The following DDX23 variants were observed in gnomAD, a reference collection of about 807,000 sequenced individuals.
DDX23 encodes probable ATP-dependent RNA helicase DDX23.
In DDX23, 33 loss-of-function variants were observed where a neutral mutation model predicts 102.7. The ratio of observed to expected loss-of-function variants is 0.32; its 90% CI spans 0.24 to 0.43. DDX23 has a LOEUF of 0.43. DDX23 is among the 20% of genes least tolerant of loss of function. DDX23 has a pLI of 1.00. For synonymous variants in DDX23, 352 were observed against 376.0 expected, an observed-to-expected ratio of 0.94 and a Z score of 0.74; for missense variants, 549 against 1,086.6, an observed-to-expected ratio of 0.51 and a Z score of 6.96.
chr12:48,838,116 G>A (rs1382737139), intron 5 of DDX23, 36 bp from the exon 6 acceptor site: 2 of 1,613,026 alleles, frequency 1.2e-6, no homozygotes, highest in Non-Finnish European at 8.5e-7. Context: ...CAAAGGATCT[G>A]GGAGCAGGGT....
At chr12:48,846,896 T>C (rs1324948150) in intron 1 of DDX23, among the ~76,000 whole-genome samples, 2 of 152,188 alleles carry the variant, frequency 1.3e-5, no homozygotes, top group African/African-American at 4.8e-5. Context: ...CTTTGGGCTA[T>C]GAACTCTAGT....
intron 1 of DDX23, among the ~76,000 whole-genome samples, chr12:48,846,157 G>T (rs1431061874): frequency 6.6e-6 from 1 of 152,028 alleles, no homozygotes; most frequent in Non-Finnish European, 1.5e-5. Flanking sequence ...TATAGACAGG[G>T]TCTCACTATG....
At chr12:48,841,605 C>T (rs1938552304) in intron 3 of DDX23, among the ~76,000 whole-genome samples, 2 of 152,348 alleles carry the variant, frequency 1.3e-5, no homozygotes, top group East Asian at 1.9e-4. Context: ...CGATTGCAGG[C>T]GTGCGCCGCC....
rs935828619 is a variant in DDX23 at position 48,841,561 on chromosome 12, C to A, written c.321-1455G>T. On this transcript the variant is annotated intron_variant, in intron 3 of 16. Transcript: ENST00000308025. ...ATCTCGGCTCACTGCAACCTCCCTG[C>A]CTGATTCTCGTGCCTCAGCCTGCCG... 1.8e-4 allele frequency among the ~76,000 whole-genome samples: 27 copies of A among 152,358 alleles called. No homozygotes were observed. In the East Asian group the frequency reaches 4.4e-3, roughly 25 times the overall value.
chr12:48,839,589 CT>C, intron 5 of DDX23: 1 of 292,958 alleles, frequency 3.4e-6, no homozygotes, highest in Non-Finnish European at 6.2e-6. Flanking sequence ...AAAAAAGGGC[CT>C]TTTAGGGTGA....
rs1165032883 is a variant in DDX23 at position 48,845,463 on chromosome 12, A to C, written c.209+111T>G. The stretch of plus-strand genomic sequence containing the variant: ...AACAGAGCGAGACTCTGTCTCAAAA[A>C]ATAAAAATAAAAAGTAGATGCCTAA... On this transcript the variant is annotated intron_variant, in intron 2 of 16. Transcript: ENST00000308025. The C allele has an allele frequency of 6.3e-6, 8 of 1,268,578 alleles. No individual in the cohort carries two copies. In the Admixed American group the frequency reaches 1.6e-4, roughly 26 times the overall value. 78.6% of individuals were successfully genotyped at this position (1,268,578 alleles called of 1,614,324 possible). A position where few individuals can be genotyped will look rare whatever the true frequency, so the allele number is the denominator to read the frequency against.
chr12:48,845,831 A>C, intron 1 of DDX23, 49 bp from the exon 2 acceptor site: 1 of 1,578,712 alleles, frequency 6.3e-7, no homozygotes, highest in East Asian at 2.3e-5. Context: ...ACTGCTCTAA[A>C]CTGCTTATAT....
chr12:48,845,760 T>C lies in DDX23; in HGVS notation c.23A>G (p.Lys8Arg). The change falls in exon 2 of 17, where the codon AAA (lysine) becomes AGA (arginine). Residue 8 changes from lysine to arginine, a missense_variant. Lys to Arg is a conservative substitution (Grantham distance 26). This residue lies in a region of DDX23 where 241 missense variants were observed against 267.0 expected (regional missense o/e 0.90). Transcript: ENST00000308025. MAGELAD[K>R]KDRDASPSKE... Reference sequence around the variant, plus strand: ...GGAAGGTGATGCATCACGGTCCTTTTTGTCAGCCAGCTCTCCTGCCATCTG... The same window carrying C: ...GGAAGGTGATGCATCACGGTCCTTTCTGTCAGCCAGCTCTCCTGCCATCTG... 6.2e-7 allele frequency: 1 copy of C among 1,614,218 alleles called. No homozygotes were observed. The highest frequency in any genetic ancestry group is 8.5e-7 in the Non-Finnish European group (1 of 1,180,042).
At chr12:48,848,166 G>A (rs1248478219) in intron 1 of DDX23, among the ~76,000 whole-genome samples, 2 of 151,978 alleles carry the variant, frequency 1.3e-5, no homozygotes, top group African/African-American at 4.8e-5. Flanking sequence ...GGCGCCTGTA[G>A]TCCCACCTAC....
intron 3 of DDX23, among the ~76,000 whole-genome samples, chr12:48,841,785 T>C (rs576288526): frequency 5.6e-4 from 85 of 152,274 alleles, no homozygotes; most frequent in African/African-American, 1.9e-3. Context: ...CAGGCTGGAG[T>C]GCAGTGGCGT....
intron 1 of DDX23, among the ~76,000 whole-genome samples, chr12:48,846,751 T>G (rs1938674753): frequency 6.6e-6 from 1 of 152,212 alleles, no homozygotes; most frequent in African/African-American, 2.4e-5. Context: ...AAGTCCTGAT[T>G]GACATTCCCT....
chr12:48,832,359 A>G lies in DDX23; in HGVS notation c.1955+63T>C. On this transcript the variant is annotated intron_variant, in intron 14 of 16. Coordinates refer to ENST00000308025, the MANE Select transcript of DDX23 (RefSeq NM_004818.3). This position sits in a 1 kb window ranked among gnomAD's most constrained non-coding sequence, Gnocchi z 4.4. ...AATTGCCCTGCCCTGCACCTGCACT[A>G]AAAAAGTTCTCAGAGCCATTTTATT... is the stretch of plus-strand genomic sequence containing the variant. The G allele has an allele frequency of 5.7e-6, 9 of 1,590,624 alleles. No homozygotes were observed. The highest frequency in any genetic ancestry group is 1.1e-5 in the South Asian group (1 of 88,594).
chr12:48,838,119 A>G (rs1311981165), intron 5 of DDX23, 39 bp from the exon 6 acceptor site: 3 of 1,612,828 alleles, frequency 1.9e-6, no homozygotes, highest in Non-Finnish European at 2.5e-6. Context: ...AGGATCTGGG[A>G]GCAGGGTACA....
rs2137481125 is a variant in DDX23 at position 48,832,722 on chromosome 12, T to TGA, written c.1804-151_1804-150dup. 1.0e-6 allele frequency: 1 copy of TGA among 973,170 alleles called. No individual in the cohort carries two copies. Among genetic ancestry groups the TGA allele is most frequent in the African/African-American group, 1.6e-5 (1 of 60,774 alleles). The allele number at this position is 973,170 out of a possible 1,614,324, so 60.3% of individuals were successfully genotyped here. A position where few individuals can be genotyped will look rare whatever the true frequency, so the allele number is the denominator to read the frequency against. ...CACCACCTTAGAAAATAGTGTCCTC[T>TGA]GAATTCCCATCCTTCCTGAGTACCT... is the stretch of plus-strand genomic sequence containing the variant. On this transcript the variant is annotated intron_variant, in intron 13 of 16. Transcript: ENST00000308025. The surrounding 1 kb of genome is among the most constrained non-coding windows in gnomAD (Gnocchi z 4.4).
Position 48,837,139 on chromosome 12 carries a change from T to C in DDX23, c.867-102A>G, listed in dbSNP as rs990013660. On this transcript the variant is annotated intron_variant, in intron 8 of 16. Coordinates refer to ENST00000308025, the MANE Select transcript of DDX23 (RefSeq NM_004818.3). The stretch of plus-strand genomic sequence containing the variant: ...GAAACAGTTCTTCCCAGACAGGGTC[T>C]TTCTTCCACCAGAGGGCTGGCTGAC... 1.1e-5 allele frequency: 17 copies of C among 1,570,156 alleles called. No homozygotes were observed. The African/African-American group carries it at 2.0e-4, about 19-fold the overall frequency.
chr12:48,846,261 G>T (rs1375913826), intron 1 of DDX23, among the ~76,000 whole-genome samples: 2 of 152,226 alleles, frequency 1.3e-5, no homozygotes, highest in African/African-American at 4.8e-5. Context: ...ACAGTGCCTG[G>T]TCGATTCCTT....
intron 2 of DDX23, among the ~76,000 whole-genome samples, chr12:48,845,175 CA>C (rs1938643412): frequency 6.7e-6 from 1 of 149,534 alleles, no homozygotes; most frequent in Non-Finnish European, 1.5e-5. Context: ...AAAAAAAGGC[CA>C]GGCGCGGTGG....
At chr12:48,851,331 G>C (rs2137500560) in intron 1 of DDX23, among the ~76,000 whole-genome samples, 1 of 152,230 alleles carries the variant, frequency 6.6e-6, no homozygotes, top group South Asian at 2.1e-4. Flanking sequence ...AAATTAGCCG[G>C]GCGTGGCGGC....
chr12:48,831,901 G>C, intron 15 of DDX23, 177 bp downstream of exon 15: 1 of 621,360 alleles, frequency 1.6e-6, no homozygotes, highest in Non-Finnish European at 2.8e-6. Context: ...GGGGGTCCCA[G>C]CAATTGATTC....
Sources: gnomAD v4.1 joint callset for allele counts (sites outside exome capture counted in the v4.1 genomes callset) on GRCh38, gnomAD v4.1.1 for gene constraint, gnomAD v4.1.1 regional missense constraint, Gnocchi (gnomAD v3.1) non-coding constraint, MANE v1.5 for transcripts, NCBI Gene and HGNC (gene_info 2026-07-23, HGNC 2026-07-21) for gene names.